Variants in FBXO4 observed in about 807,000 individuals in gnomAD.
The protein encoded by FBXO4 is F-box only protein 4.
Under a neutral mutation model 43.7 loss-of-function variants are expected in FBXO4, and 36 were observed. The observed-to-expected ratio is 0.82, with a 90% CI of 0.63 to 1.09. FBXO4 has a LOEUF of 1.09. Ranked by LOEUF, FBXO4 falls within the 50% of genes least tolerant of loss-of-function variation. FBXO4 has a pLI of 0.00. For missense variants in FBXO4, 435 were observed against 474.1 expected (o/e 0.92, Z 0.77); for synonymous variants, 180 against 165.6 (o/e 1.09, Z -0.67).
At chr5:41,951,735 GA>G in the FBXO4 span, 2 of 216,638 alleles carry the variant, frequency 9.2e-6, no homozygotes, top group East Asian at 1.5e-4. Flanking sequence ...ACATAGCATG[GA>G]GGAAAACCTG....
chr5:41,967,376 A>G, the FBXO4 span: 1 of 502,260 alleles, frequency 2.0e-6, no homozygotes, highest in Non-Finnish European at 3.9e-6. Context: ...TTCCCACATC[A>G]ATGCTATTGC....
chr5:41,945,823 C>T (rs1293390642), downstream of FBXO4, among the ~76,000 whole-genome samples: 2 of 152,176 alleles, frequency 1.3e-5, no homozygotes, highest in Non-Finnish European at 2.9e-5. Flanking sequence ...AGCTTCACAA[C>T]CTATGGATTG....
chr5:42,030,629 C>T, the FBXO4 span, among the ~76,000 whole-genome samples: 3 of 151,770 alleles, frequency 2.0e-5, no homozygotes, highest in East Asian at 3.9e-4. Flanking sequence ...AACTAAAGAG[C>T]TTCTGCACAG....
the FBXO4 span, among the ~76,000 whole-genome samples, chr5:41,960,636 A>G: frequency 6.6e-6 from 1 of 152,036 alleles, no homozygotes; most frequent in Non-Finnish European, 1.5e-5. Context: ...TATTCTGTTA[A>G]TGTATTATAT....
intron 6 of FBXO4, among the ~76,000 whole-genome samples, 195 bp from the exon 7 acceptor site, chr5:41,940,997 G>A (rs1455861074): frequency 6.6e-6 from 1 of 152,094 alleles, no homozygotes; most frequent in African/African-American, 2.4e-5. Flanking sequence ...ACTTTATATT[G>A]GTAATAGTTA....
the FBXO4 span, among the ~76,000 whole-genome samples, chr5:41,984,103 AACCCCCAT>A: frequency 6.6e-6 from 1 of 152,158 alleles, no homozygotes; most frequent in Non-Finnish European, 1.5e-5. Flanking sequence ...TAAATATAGT[AACCCCCAT>A]TAGATAATAT....
the FBXO4 span, among the ~76,000 whole-genome samples, chr5:41,992,450 C>T: frequency 6.6e-6 from 1 of 152,240 alleles, no homozygotes; most frequent in African/African-American, 2.4e-5. Flanking sequence ...CCTTACCTTC[C>T]ATTGCTAAAA....
chr5:41,955,968 G>T, the FBXO4 span, among the ~76,000 whole-genome samples: 1 of 152,046 alleles, frequency 6.6e-6, no homozygotes, highest in African/African-American at 2.4e-5. Context: ...GACCAGAATG[G>T]ATTAAAGTTT....
At chr5:41,961,294 T>C in the FBXO4 span, among the ~76,000 whole-genome samples, 1 of 152,152 alleles carries the variant, frequency 6.6e-6, no homozygotes, top group Non-Finnish European at 1.5e-5. Flanking sequence ...CCCAATCTTT[T>C]TTTCTCTCAC....
the FBXO4 span, among the ~76,000 whole-genome samples, chr5:42,002,208 G>A: frequency 7.9e-5 from 12 of 152,284 alleles, no homozygotes; most frequent in East Asian, 9.7e-4. Flanking sequence ...GCTATGGAAT[G>A]ACGATGTCTA....
the FBXO4 span, among the ~76,000 whole-genome samples, chr5:41,963,659 A>G: frequency 6.6e-6 from 1 of 152,248 alleles, no homozygotes; most frequent in Admixed American, 6.5e-5. Context: ...TATATTTACT[A>G]TCCATTAAGT....
the FBXO4 span, among the ~76,000 whole-genome samples, chr5:41,948,184 G>T: frequency 1.4e-5 from 2 of 146,008 alleles, no homozygotes; most frequent in African/African-American, 2.6e-5. Context: ...CGCCCAGGCT[G>T]GAGTGCAGTG....
the FBXO4 span, among the ~76,000 whole-genome samples, chr5:41,966,080 A>T: frequency 1.3e-5 from 2 of 152,176 alleles, no homozygotes; most frequent in Non-Finnish European, 2.9e-5. Context: ...TCTCGCTCAT[A>T]GGTGGGAATT....
intron 6 of FBXO4, 124 bp from the exon 7 acceptor site, chr5:41,941,068 C>T: frequency 1.6e-6 from 1 of 642,862 alleles, no homozygotes; most frequent in Admixed American, 2.8e-5. Flanking sequence ...AGCAACTTAT[C>T]CAAAGTTTAT....
chr5:41,959,592 C>G, the FBXO4 span, among the ~76,000 whole-genome samples: 1 of 151,948 alleles, frequency 6.6e-6, no homozygotes, highest in Admixed American at 6.5e-5. Flanking sequence ...TTTCATTTTT[C>G]TGCATGTGAA....
chr5:41,986,508 C>A, the FBXO4 span, among the ~76,000 whole-genome samples: 1 of 152,098 alleles, frequency 6.6e-6, no homozygotes, highest in East Asian at 1.9e-4. Flanking sequence ...TTCTTCCATT[C>A]TGAAACATAA....
chr5:41,976,157 G>A, the FBXO4 span, among the ~76,000 whole-genome samples: 16 of 152,216 alleles, frequency 1.1e-4, no homozygotes, highest in South Asian at 8.3e-4. Context: ...CAGGCCCCAC[G>A]TCCAACTTTG....
At chr5:42,005,041 G>T in the FBXO4 span, among the ~76,000 whole-genome samples, 1 of 151,992 alleles carries the variant, frequency 6.6e-6, no homozygotes, top group Non-Finnish European at 1.5e-5. Context: ...CAGGGGGGTG[G>T]GTAATATAAT....
Position 41,934,237 on chromosome 5 carries a change from T to G in FBXO4, c.827T>G (p.Ile276Ser), listed in dbSNP as rs146729073. 40 of 1,614,184 alleles carry G rather than the reference T, an allele frequency of 2.5e-5. No individual in the cohort carries two copies. In the African/African-American group the frequency reaches 4.4e-4, roughly 18 times the overall value. The change falls in exon 5 of 7, where the codon ATT becomes AGT. Residue 276 changes from isoleucine (I) to serine (S), a missense_variant. Ile to Ser is a moderately radical substitution (Grantham distance 142, BLOSUM62 -2). Coordinates refer to ENST00000281623, the MANE Select transcript of FBXO4 (RefSeq NM_012176.3). The stretch of plus-strand genomic sequence containing the variant: ...CAACAAGGAAGCCGGTACAGTGTGA[T>G]TCCACAGATTCAAAAAGTGTGTGAA... ...DDQQGSRYSV[I>S]PQIQKVCEVV...
Sources: allele counts gnomAD v4.1 joint callset (sites outside exome capture counted in the v4.1 genomes callset), GRCh38; gene constraint gnomAD v4.1.1; transcripts MANE v1.5; gene names NCBI Gene and HGNC (gene_info 2026-07-23, HGNC 2026-07-21).